PDZD2: variants seen among roughly 807,000 people sequenced by gnomAD.
PDZD2 encodes the protein PDZ domain-containing protein 2.
In PDZD2, 90 loss-of-function variants were observed where a neutral mutation model predicts 220.7. The ratio of observed to expected loss-of-function variants is 0.41; its 90% confidence interval spans 0.34 to 0.49. The LOEUF is 0.49. PDZD2 is among the 20% of genes least tolerant of loss of function. The pLI, the probability that PDZD2 is intolerant of heterozygous loss-of-function variation, is 0.28. For synonymous variants in PDZD2, 1,375 were observed against 1,450.5 expected (o/e 0.95, Z 1.18); for missense variants, 3,174 against 3,608.5 (o/e 0.88, Z 3.08).
At chr5:31,960,568 C>G (rs1375315665) in intron 2 of PDZD2, among the ~76,000 whole-genome samples, 1 of 152,102 alleles carries the variant, frequency 6.6e-6, no homozygotes, top group Non-Finnish European at 1.5e-5. Context: ...ATTCATAGTC[C>G]TAACCCACTC....
chr5:32,014,549 C>T (rs1011796492), intron 6 of PDZD2, among the ~76,000 whole-genome samples: 3 of 152,040 alleles, frequency 2.0e-5, no homozygotes, highest in Non-Finnish European at 4.4e-5. Context: ...CACGACTCAC[C>T]CCCACTGTCA....
intron 2 of PDZD2, among the ~76,000 whole-genome samples, chr5:31,880,797 T>C (rs866281806): frequency 1.1e-3 from 104 of 97,130 alleles, no homozygotes; most frequent in African/African-American, 4.8e-3. Flanking sequence ...TTTTCTTTTT[T>C]TTTTTTTTTT....
chr5:31,811,991 A>AAAATAAATAAATAAAT (rs369835690), intron 2 of PDZD2, among the ~76,000 whole-genome samples: 2 of 138,788 alleles, frequency 1.4e-5, no homozygotes, highest in African/African-American at 2.7e-5. Flanking sequence ...CTCTGTCTCA[A>AAAATAAATAAATAAAT]AAATAAATAA....
intron 6 of PDZD2, among the ~76,000 whole-genome samples, chr5:32,032,615 TTC>T (rs1755213331): frequency 6.6e-6 from 1 of 152,238 alleles, no homozygotes; most frequent in African/African-American, 2.4e-5. Flanking sequence ...TGCTTTTGTC[TTC>T]TGTTTTCTTT....
intron 7 of PDZD2, among the ~76,000 whole-genome samples, chr5:32,040,188 TGAG>T (rs939218281): frequency 5.5e-5 from 8 of 145,956 alleles, no homozygotes; most frequent in African/African-American, 2.0e-4. Context: ...ATCTGGGAGA[TGAG>T]GAGCGCTTCT....
chr5:32,052,372 C>T, intron 8 of PDZD2: 1 of 389,250 alleles, frequency 2.6e-6, no homozygotes, highest in East Asian at 5.2e-5. Flanking sequence ...TCTCAAACTC[C>T]TGACCTCAGG....
chr5:31,691,165 G>A (rs1330489706), intron 1 of PDZD2, among the ~76,000 whole-genome samples: 1 of 152,180 alleles, frequency 6.6e-6, no homozygotes, highest in Admixed American at 6.5e-5. Context: ...CTTCCTTCTG[G>A]TGGGTTCGTG....
At chr5:31,660,219 A>G (rs954114638) in intron 1 of PDZD2, among the ~76,000 whole-genome samples, 1 of 152,222 alleles carries the variant, frequency 6.6e-6, no homozygotes, top group Non-Finnish European at 1.5e-5. Context: ...TTTGATTCAT[A>G]GATTAAATAA....
chr5:32,094,762 C>T (rs1743486733), intron 21 of PDZD2, among the ~76,000 whole-genome samples: 1 of 151,876 alleles, frequency 6.6e-6, no homozygotes, highest in African/African-American at 2.4e-5. Context: ...GCCTGTAGTC[C>T]TACCTACATG....
intron 2 of PDZD2, among the ~76,000 whole-genome samples, chr5:31,868,973 A>G (rs952047691): frequency 6.6e-6 from 1 of 152,078 alleles, no homozygotes; most frequent in African/African-American, 2.4e-5. Context: ...AGGCTTTGCC[A>G]TGTTGCACAG....
At position 32,067,012 on chromosome 5, in the gene PDZD2, T is replaced by C. The variant is rs1161410091; in HGVS notation, c.2452-2557T>C. Among the ~76,000 whole-genome samples the C allele has an allele frequency of 2.0e-5, 3 of 152,278 alleles. No individual in the cohort carries two copies. In the East Asian group the frequency reaches 5.8e-4, roughly 29 times the overall value. ...GGTGTTCTTAGTTGTAACCTCATGCTGTATTTTTCTTTTGGTTAAGATTCC... is the reference window on the plus strand; with the variant it reads ...GGTGTTCTTAGTTGTAACCTCATGCCGTATTTTTCTTTTGGTTAAGATTCC... On this transcript the variant is annotated intron_variant, in intron 14 of 24. Coordinates refer to ENST00000438447, the MANE Select transcript of PDZD2 (RefSeq NM_178140.4).
intron 6 of PDZD2, among the ~76,000 whole-genome samples, chr5:32,013,994 C>T (rs891196205): frequency 2.6e-5 from 4 of 152,228 alleles, no homozygotes; most frequent in African/African-American, 7.2e-5. Flanking sequence ...CCAGGCTTCA[C>T]AGTCTACCAG....
In PDZD2 at chr5:32,091,128, G is replaced by A. The variant is rs150445488; in HGVS notation, c.7680G>A (p.Thr2560=). 44 of 1,593,034 alleles carry A rather than the reference G, an allele frequency of 2.8e-5. No homozygotes were observed. Among genetic ancestry groups the A allele is most frequent in the East Asian group, 1.1e-4 (5 of 44,316 alleles). The change falls in exon 20 of 25, where the codon ACG becomes ACA. Residue 2560 remains threonine (T), a synonymous_variant. Transcript: ENST00000438447. The stretch of plus-strand genomic sequence containing the variant: ...AGACACCCAGTTCAGCCAGTGATAC[G>A]GGTGAAGCTGCCCAGGATCTGCCTT... ...AAETPSSASD[T]GEAAQDLPFR...
chr5:31,676,273 TC>T (rs1746412874), intron 1 of PDZD2, among the ~76,000 whole-genome samples: 1 of 152,170 alleles, frequency 6.6e-6, no homozygotes, highest in Non-Finnish European at 1.5e-5. Context: ...TCCAGTATGA[TC>T]CCTGTATTTC....
At chr5:31,898,808 C>CTTTTTTTTTTTTTTTT (rs35589628) in intron 2 of PDZD2, among the ~76,000 whole-genome samples, 46 of 123,466 alleles carry the variant, frequency 3.7e-4, no homozygotes, top group South Asian at 5.6e-4. Context: ...AGCCTCTCTT[C>CTTTTTTTTTTTTTTTT]TTTTTTTTTT....
chr5:32,061,807 A>G (rs1318739426), intron 14 of PDZD2, among the ~76,000 whole-genome samples: 1 of 152,212 alleles, frequency 6.6e-6, no homozygotes, highest in Admixed American at 6.5e-5. Context: ...TATAAAAATA[A>G]ATTGTTCATA....
intron 6 of PDZD2, among the ~76,000 whole-genome samples, chr5:32,024,887 A>T (rs1754509683): frequency 6.6e-6 from 1 of 152,152 alleles, no homozygotes; most frequent in African/African-American, 2.4e-5. Context: ...CATAAACAAT[A>T]AATAAATGGG....
intron 2 of PDZD2, among the ~76,000 whole-genome samples, chr5:31,885,351 G>C (rs1740363535): frequency 6.6e-6 from 1 of 151,964 alleles, no homozygotes; most frequent in African/African-American, 2.4e-5. Flanking sequence ...TCGGGTCTTT[G>C]TATACTGTCA....
intron 1 of PDZD2, chr5:31,725,818 G>T: frequency 2.3e-6 from 2 of 881,884 alleles, no homozygotes; most frequent in Non-Finnish European, 3.8e-6. Context: ...ATCCACTTTG[G>T]TGTTTGAATC....
Sources: allele counts gnomAD v4.1 joint callset (sites outside exome capture counted in the v4.1 genomes callset), GRCh38; gene constraint gnomAD v4.1.1; transcripts MANE v1.5; gene names NCBI Gene and HGNC (gene_info 2026-07-23, HGNC 2026-07-21).